The following IL1RAPL1 variants were observed in gnomAD, a reference collection of about 807,000 sequenced individuals.
IL1RAPL1 encodes interleukin 1 receptor accessory protein like 1, also known as interleukin-1 receptor accessory protein-like 1.
Under a neutral mutation model 48.4 loss-of-function variants are expected in IL1RAPL1, and 3 were observed. The observed-to-expected ratio is 0.06, with a 90% CI of 0.03 to 0.16. The LOEUF is 0.16. Ranked by LOEUF, IL1RAPL1 falls within the 10% of genes least tolerant of loss-of-function variation. The probability of loss-of-function intolerance (pLI) is 1.00; values close to 1 mark genes in which losing one functional copy is unlikely to be tolerated. For missense variants in IL1RAPL1, 349 were observed against 530.6 expected (o/e 0.66, Z 3.36); for synonymous variants, 185 against 187.7 (o/e 0.99, Z 0.12).
chrX:28,819,811 T>A (rs1477518731), intron 2 of IL1RAPL1, among the ~76,000 whole-genome samples: 1 of 106,401 alleles, frequency 9.4e-6, no homozygotes, highest in Admixed American at 1.0e-4. Flanking sequence ...TTAATATATG[T>A]ATATGTAACA....
intron 1 of IL1RAPL1, among the ~76,000 whole-genome samples, chrX:28,630,875 C>T (rs781143877): frequency 6.3e-5 from 7 of 111,937 alleles, no homozygotes; most frequent in African/African-American, 9.7e-5. Context: ...TCATTGCTAA[C>T]GGTGAAGAAG....
chrX:29,035,883 T>C (rs753748514), intron 2 of IL1RAPL1, among the ~76,000 whole-genome samples: 1 of 112,236 alleles, frequency 8.9e-6, no homozygotes, highest in African/African-American at 3.2e-5. Flanking sequence ...ATTTTTATTG[T>C]GATATGTTTG....
intron 6 of IL1RAPL1, among the ~76,000 whole-genome samples, chrX:29,732,486 G>A (rs1186202947): frequency 2.7e-5 from 3 of 111,414 alleles, no homozygotes; most frequent in Admixed American, 9.6e-5. Context: ...TCAACTCATG[G>A]CACCTCCCTT....
intron 2 of IL1RAPL1, among the ~76,000 whole-genome samples, chrX:29,223,726 G>A (rs1931027475): frequency 9.2e-6 from 1 of 108,919 alleles, no homozygotes; most frequent in South Asian, 4.1e-4. Flanking sequence ...TGTATTTTTA[G>A]TAGAGATGGG....
rs188845941 is a variant in IL1RAPL1 at position 29,662,464 on chromosome X, A to G, written c.704-5966A>G. On this transcript the variant is annotated intron_variant, in intron 5 of 10. Transcript: ENST00000378993. ...TATTGTGTGTGTATCAATTTATATG[A>G]TTATTTTGCATCTCCTTCTCTGGAA... Among the ~76,000 whole-genome samples the G allele has an allele frequency of 5.2e-4, 58 of 112,117 alleles. No homozygotes were observed. In the East Asian group the frequency reaches 0.01, roughly 20 times the overall value.
At chrX:29,385,670 G>C (rs1028094845) in intron 3 of IL1RAPL1, among the ~76,000 whole-genome samples, 1 of 112,188 alleles carries the variant, frequency 8.9e-6, no homozygotes, top group Non-Finnish European at 1.9e-5. Flanking sequence ...ATGTTGTATC[G>C]TGTATCAGAA....
chrX:29,427,133 C>T (rs1202647144), intron 5 of IL1RAPL1, among the ~76,000 whole-genome samples: 2 of 111,659 alleles, frequency 1.8e-5, no homozygotes, highest in African/African-American at 6.5e-5. Context: ...GACTTATTTG[C>T]CCCGTATGGT....
intron 2 of IL1RAPL1, among the ~76,000 whole-genome samples, chrX:29,081,140 G>C (rs1487262822): frequency 5.8e-5 from 6 of 103,199 alleles, no homozygotes; most frequent in African/African-American, 2.1e-4. Context: ...TGCAACCTCT[G>C]CTTCCCGGGT....
At chrX:29,041,311 T>G (rs1926841260) in intron 2 of IL1RAPL1, among the ~76,000 whole-genome samples, 1 of 111,751 alleles carries the variant, frequency 8.9e-6, no homozygotes, top group African/African-American at 3.2e-5. Flanking sequence ...CTCTCAACTT[T>G]ATTGCTGCTA....
intron 2 of IL1RAPL1, among the ~76,000 whole-genome samples, chrX:29,064,409 A>G (rs1185859447): frequency 1.8e-5 from 2 of 108,798 alleles, no homozygotes; most frequent in Non-Finnish European, 3.8e-5. Context: ...TTTTTTTTCT[A>G]TTCTAATACT....
chrX:29,695,597 C>CGAGAGAGAGA (rs10635140), intron 6 of IL1RAPL1, among the ~76,000 whole-genome samples: 1,231 of 94,846 alleles, frequency 0.013, 23 homozygotes, highest in African/African-American at 0.044. Flanking sequence ...TGCAAGGTGG[C>CGAGAGAGAGA]GAGAGAGAGA....
chrX:29,938,463 C>A (rs1933070404), intron 8 of IL1RAPL1, among the ~76,000 whole-genome samples: 1 of 111,608 alleles, frequency 9.0e-6, no homozygotes, highest in Non-Finnish European at 1.9e-5. Context: ...AGAATCATTC[C>A]CTGCCTGGGC....
intron 2 of IL1RAPL1, among the ~76,000 whole-genome samples, chrX:28,823,016 AGAGT>A (rs1936953849): frequency 9.0e-6 from 1 of 111,294 alleles, no homozygotes; most frequent in Non-Finnish European, 1.9e-5. Flanking sequence ...ACTGCTGAAA[AGAGT>A]GAGAGTGATC....
At chrX:28,891,114 G>A (rs925941847) in intron 2 of IL1RAPL1, among the ~76,000 whole-genome samples, 1 of 111,808 alleles carries the variant, frequency 8.9e-6, no homozygotes, top group African/African-American at 3.2e-5. Flanking sequence ...GATTCATAAA[G>A]GAGAGAAAGT....
intron 6 of IL1RAPL1, among the ~76,000 whole-genome samples, chrX:29,719,625 T>G (rs1487066488): frequency 9.2e-6 from 1 of 108,990 alleles, no homozygotes; most frequent in Non-Finnish European, 1.9e-5. Context: ...AAATGCCCTC[T>G]AAGCTCTCAG....
chrX:29,802,757 A>G (rs1251133858), intron 6 of IL1RAPL1, among the ~76,000 whole-genome samples: 1 of 20,729 alleles, frequency 4.8e-5, no homozygotes, highest in Non-Finnish European at 7.7e-5. Context: ...TTATATATAT[A>G]TATATATATA....
intron 2 of IL1RAPL1, among the ~76,000 whole-genome samples, chrX:28,856,733 G>A (rs777386361): frequency 5.5e-4 from 61 of 110,950 alleles, no homozygotes; most frequent in African/African-American, 1.9e-3. Context: ...CCACTCTATC[G>A]ACTAGCCACT....
intron 2 of IL1RAPL1, among the ~76,000 whole-genome samples, chrX:29,205,214 T>G (rs1164127237): frequency 9.0e-6 from 1 of 110,943 alleles, no homozygotes; most frequent in Non-Finnish European, 1.9e-5. Context: ...AAGGAAAGAG[T>G]CTTTTTCACT....
At chrX:28,959,548 T>A (rs1924711672) in intron 2 of IL1RAPL1, among the ~76,000 whole-genome samples, 1 of 112,039 alleles carries the variant, frequency 8.9e-6, no homozygotes, top group South Asian at 3.6e-4. Context: ...TTCCAAATTA[T>A]TTAGCAATTC....
Sources: allele counts gnomAD v4.1 joint callset (sites outside exome capture counted in the v4.1 genomes callset), GRCh38; gene constraint gnomAD v4.1.1; transcripts MANE v1.5; gene names NCBI Gene and HGNC (gene_info 2026-07-23, HGNC 2026-07-21).